Variants in RNF17 observed in about 807,000 individuals in gnomAD.
RNF17 encodes the protein spermatogenesis associated 23.
Under a neutral mutation model 200.5 loss-of-function variants are expected in RNF17, and 31 were observed. The observed-to-expected ratio is 0.15, with a 90% CI of 0.12 to 0.21. The LOEUF (loss-of-function observed/expected upper bound fraction) is 0.21. Among genes scored for constraint, RNF17 ranks in the 10% least tolerant of loss-of-function variants. RNF17 has a pLI of 1.00. For synonymous variants in RNF17, 606 were observed against 637.8 expected, an observed-to-expected ratio of 0.95 and a Z score of 0.75; for missense variants, 1,628 against 1,905.1, an observed-to-expected ratio of 0.85 and a Z score of 2.71.
Position 24,793,073 on chromosome 13 carries a change from A to C in RNF17, c.967A>C (p.Asn323His). ...TCCCCAAGAAAATGAAATTAGACAG[A>C]ATGTTCAAAAGAAATATAATAACAA... The part of the protein sequence containing the change: ...CYPQENEIRQ[N>H]VQKKYNNKKE... Residue 323 changes from asparagine to histidine, a missense_variant, in exon 10 of 36, where the codon AAT (asparagine) becomes CAT (histidine). Physicochemically the swap from Asn to His is moderately conservative, Grantham distance 68 (BLOSUM62 1). Coordinates refer to ENST00000255324, the MANE Select transcript of RNF17 (RefSeq NM_031277.3). The C allele has an allele frequency of 6.3e-7, 1 of 1,587,888 alleles. No homozygotes were observed. The highest frequency in any genetic ancestry group is 8.6e-7 in the Non-Finnish European group (1 of 1,167,614).
intron 23 of RNF17, among the ~76,000 whole-genome samples, 157 bp from the exon 24 acceptor site, chr13:24,851,299 C>A (rs973381849): frequency 6.6e-6 from 1 of 152,174 alleles, no homozygotes; most frequent in African/African-American, 2.4e-5. Context: ...CGGCCCAGTG[C>A]TATTTTTGGA....
At chr13:24,812,363 G>A (rs921809319) in intron 15 of RNF17, among the ~76,000 whole-genome samples, 4 of 151,354 alleles carry the variant, frequency 2.6e-5, no homozygotes, top group South Asian at 2.1e-4. Context: ...TTTTTAAGCC[G>A]GTCGGAAAAG....
At chr13:24,847,351 T>A (rs1044059823) in intron 22 of RNF17, among the ~76,000 whole-genome samples, 30 of 25,058 alleles carry the variant, frequency 1.2e-3, no homozygotes, top group African/African-American at 3.4e-3. Context: ...ATTTATTTAT[T>A]TTTTTTTTTT....
At chr13:24,803,653 T>C (rs1266508256) in intron 14 of RNF17, 2 of 152,234 alleles carry the variant, frequency 1.3e-5, no homozygotes, top group Non-Finnish European at 2.9e-5. Flanking sequence ...CCTTGGGTGA[T>C]TGGGAATGGA....
chr13:24,852,283 T>C (rs1037916887), intron 24 of RNF17, among the ~76,000 whole-genome samples: 8 of 151,934 alleles, frequency 5.3e-5, no homozygotes, highest in South Asian at 2.1e-4. Context: ...GGACTACAGG[T>C]GGCCGCCACC....
At chr13:24,800,603 A>G (rs529484989) in intron 13 of RNF17, 69 bp downstream of exon 13, 2 of 1,318,264 alleles carry the variant, frequency 1.5e-6, no homozygotes, top group East Asian at 4.7e-5. Context: ...TGCCAGTTAG[A>G]TTGCTAAGTA....
At chr13:24,759,706 G>GA (rs925936287), upstream of RNF17, among the ~76,000 whole-genome samples, 4 of 151,800 alleles carry the variant, frequency 2.6e-5, no homozygotes, top group African/African-American at 4.8e-5. Flanking sequence ...AGCAAAGAAA[G>GA]AAAAAAAGGA....
intron 15 of RNF17, among the ~76,000 whole-genome samples, chr13:24,817,562 T>C (rs1309058073): frequency 6.6e-6 from 1 of 151,884 alleles, no homozygotes; most frequent in East Asian, 1.9e-4. Context: ...GTACTAAAAA[T>C]ACAAAAATTA....
At chr13:24,845,930 TGAAAGGAGGG>T (rs1482995865) in intron 22 of RNF17, among the ~76,000 whole-genome samples, 7 of 151,996 alleles carry the variant, frequency 4.6e-5, no homozygotes, top group Non-Finnish European at 8.8e-5. Flanking sequence ...AAGATCCAGA[TGAAAGGAGGG>T]GAAAGGGCCA....
At chr13:24,791,999 G>A (rs563503792) in intron 9 of RNF17, among the ~76,000 whole-genome samples, 13 of 152,294 alleles carry the variant, frequency 8.5e-5, no homozygotes, top group Non-Finnish European at 1.6e-4. Flanking sequence ...CAGAGGAAGT[G>A]GAATACCAGT....
chr13:24,836,216 G>C (rs1889981749), intron 18 of RNF17, among the ~76,000 whole-genome samples: 1 of 152,262 alleles, frequency 6.6e-6, no homozygotes, highest in Admixed American at 6.5e-5. Flanking sequence ...AAATAATTGA[G>C]GAAAACTTCC....
the RNF17 span, among the ~76,000 whole-genome samples, chr13:24,754,917 C>T: frequency 2.6e-5 from 4 of 151,254 alleles, no homozygotes; most frequent in African/African-American, 9.7e-5. Context: ...AAAAAGATTG[C>T]ATTATTCAAT....
the RNF17 span, among the ~76,000 whole-genome samples, chr13:24,888,341 C>T: frequency 5.9e-5 from 9 of 151,872 alleles, no homozygotes; most frequent in South Asian, 2.1e-4. Context: ...GATTACTATG[C>T]GGAATATTTT....
In RNF17 at chr13:24,768,820, C is replaced by A. The variant is rs970262217; in HGVS notation, c.225+1454C>A. 5.3e-5 allele frequency among the ~76,000 whole-genome samples: 8 copies of A among 151,812 alleles called. 1 individual carries two copies. The highest frequency in any genetic ancestry group is 2.6e-4 in the Admixed American group (4 of 15,220). Reference sequence around the variant, plus strand: ...TTATGTAACAGTTCTCCGTAAGCTTCCAGACTACTAAAATAACCCTTCATT... The same window carrying A: ...TTATGTAACAGTTCTCCGTAAGCTTACAGACTACTAAAATAACCCTTCATT... On this transcript the variant is annotated intron_variant, in intron 2 of 35. Transcript: ENST00000255324.
chr13:24,759,079 CAAAA>C, the RNF17 span, among the ~76,000 whole-genome samples: 1 of 65,368 alleles, frequency 1.5e-5, no homozygotes, highest in Admixed American at 2.0e-4. Flanking sequence ...ACTGTGTCTC[CAAAA>C]AAAAAAAAAA....
chr13:24,864,783 T>C, intron 28 of RNF17, 90 bp from the exon 29 acceptor site: 2 of 948,714 alleles, frequency 2.1e-6, no homozygotes, highest in Non-Finnish European at 3.2e-6. Context: ...ATACTATGAT[T>C]GTCAGAAGCT....
At chr13:24,764,166 C>T (rs1566104320), upstream of RNF17, 1 of 1,547,868 alleles carries the variant, frequency 6.5e-7, no homozygotes, top group Non-Finnish European at 8.8e-7. Flanking sequence ...GCCGCCGGGA[C>T]TCGCACTCGG....
intron 15 of RNF17, among the ~76,000 whole-genome samples, chr13:24,821,622 T>G (rs546023155): frequency 2.0e-5 from 3 of 152,306 alleles, no homozygotes; most frequent in Non-Finnish European, 4.4e-5. Flanking sequence ...TCAATGCTGC[T>G]TTTGAACCCC....
intron 1 of RNF17, 163 bp downstream of exon 1, chr13:24,764,496 G>A (rs1219405631): frequency 1.4e-5 from 9 of 658,898 alleles, no homozygotes; most frequent in Non-Finnish European, 1.7e-5. Context: ...CCTCTAAGAG[G>A]GCAGTGCTTG....
Sources: gnomAD v4.1 joint callset for allele counts (sites outside exome capture counted in the v4.1 genomes callset) on GRCh38, gnomAD v4.1.1 for gene constraint, MANE v1.5 for transcripts, NCBI Gene and HGNC (gene_info 2026-07-23, HGNC 2026-07-21) for gene names.